The following SASH1 variants were observed in gnomAD, a reference collection of about 807,000 sequenced individuals.
SASH1 encodes the protein SAM and SH3 domain containing 1, also known as SAM and SH3 domain-containing protein 1.
In SASH1, 44 loss-of-function variants were observed where a neutral mutation model predicts 125.2. The ratio of observed to expected loss-of-function variants is 0.35; its 90% confidence interval spans 0.28 to 0.45. The LOEUF (loss-of-function observed/expected upper bound fraction) is 0.45. SASH1 is among the 20% of genes least tolerant of loss of function. The pLI is 1.00. For missense variants in SASH1, 1,426 were observed against 1,614.5 expected, an observed-to-expected ratio of 0.88 and a Z score of 2.00; for synonymous variants, 639 against 649.1, an observed-to-expected ratio of 0.98 and a Z score of 0.24.
rs113242665 is a variant in SASH1, at chr6:148,371,295, T to A, written c.157-18839T>A. ...CTAGTTGGCTATTCTTTTTTTTTTT[T>A]ATCCAGGCTGGAGTGCAGTGGCGCA... On this transcript the variant is annotated intron_variant, in intron 1 of 19. Coordinates refer to ENST00000367467, the MANE Select transcript of SASH1 (RefSeq NM_015278.5). Among the ~76,000 whole-genome samples the A allele has an allele frequency of 5.3e-5, 8 of 152,000 alleles. No homozygotes were observed. In the East Asian group the frequency reaches 9.6e-4, roughly 18 times the overall value.
At chr6:148,485,598 CAT>C (rs1258970271) in intron 7 of SASH1, among the ~76,000 whole-genome samples, 3 of 152,152 alleles carry the variant, frequency 2.0e-5, no homozygotes, top group Non-Finnish European at 2.9e-5. Context: ...GGAACCGAAA[CAT>C]AGAGGGGTTA....
chr6:148,304,857 G>A (rs180739995), intron 1 of SASH1, among the ~76,000 whole-genome samples: 7 of 152,070 alleles, frequency 4.6e-5, no homozygotes, highest in African/African-American at 1.4e-4. Flanking sequence ...GTAAAATCCC[G>A]TCTCTATTAA....
chr6:148,439,277 T>G (rs1776444416), intron 2 of SASH1, among the ~76,000 whole-genome samples: 1 of 152,222 alleles, frequency 6.6e-6, no homozygotes, highest in Admixed American at 6.5e-5. Context: ...CAGTGCATTC[T>G]TAATATCAAG....
chr6:148,469,792 C>T (rs1370506994), intron 5 of SASH1, among the ~76,000 whole-genome samples: 1 of 151,814 alleles, frequency 6.6e-6, no homozygotes, highest in Non-Finnish European at 1.5e-5. Context: ...CTTTGGGAGG[C>T]CGAGGAGGGT....
intron 2 of SASH1, among the ~76,000 whole-genome samples, chr6:148,427,170 TAGTG>T (rs1158107382): frequency 6.6e-6 from 1 of 151,424 alleles, no homozygotes; most frequent in Non-Finnish European, 1.5e-5. Context: ...GGAGATCACT[TAGTG>T]AGCATGGGAT....
intron 2 of SASH1, among the ~76,000 whole-genome samples, chr6:148,414,905 A>G (rs1583116205): frequency 6.6e-6 from 1 of 152,138 alleles, no homozygotes; most frequent in East Asian, 1.9e-4. Flanking sequence ...CGGCCTCCCA[A>G]AGTGCTGGGA....
chr6:148,438,002 T>C (rs536434047), intron 2 of SASH1, among the ~76,000 whole-genome samples: 128 of 152,304 alleles, frequency 8.4e-4, no homozygotes, highest in South Asian at 3.3e-3. Context: ...CTAGCATGAC[T>C]ATTATGATTA....
rs530230875 is a variant in SASH1 at position 148,550,723 on chromosome 6, G to C, written c.*2165G>C. 4 of 152,344 alleles carry C rather than the reference G, an allele frequency of 2.6e-5. No homozygotes were observed. The East Asian group carries it at 7.7e-4, about 29-fold the overall frequency. 9.4% of individuals were successfully genotyped at this position (152,344 alleles called of 1,614,324 possible). On this transcript the variant is annotated 3_prime_UTR_variant, in exon 20 of 20. Transcript: ENST00000367467. ...AGCTAAAGCGTTCAATGCATTTCAC[G>C]TGCTGTGGTGGATGTGGGTGCTGTA...
the SASH1 span, among the ~76,000 whole-genome samples, chr6:148,251,850 A>C: frequency 9.9e-6 from 1 of 101,390 alleles, no homozygotes; most frequent in Non-Finnish European, 1.8e-5. Flanking sequence ...ACCCCACAAC[A>C]GTCCCCAGAG....
chr6:148,378,500 G>A (rs1344237473), intron 1 of SASH1, among the ~76,000 whole-genome samples: 12 of 152,138 alleles, frequency 7.9e-5, no homozygotes, highest in African/African-American at 2.4e-4. Flanking sequence ...GGCCGCAGGC[G>A]TGTGCCATCA....
intron 4 of SASH1, among the ~76,000 whole-genome samples, chr6:148,455,940 C>T (rs1006684543): frequency 6.6e-6 from 1 of 152,102 alleles, no homozygotes; most frequent in Non-Finnish European, 1.5e-5. Flanking sequence ...TTCCCCTGGA[C>T]TCCCCTGCTG....
chr6:148,235,641 C>G, the SASH1 span, among the ~76,000 whole-genome samples: 1 of 152,164 alleles, frequency 6.6e-6, no homozygotes, highest in Non-Finnish European at 1.5e-5. Flanking sequence ...GTCAAACCTA[C>G]AGCTCCTTGT....
Position 148,487,124 on chromosome 6 carries a change from T to C in SASH1, c.628-490T>C, listed in dbSNP as rs1444706795. On this transcript the variant is annotated intron_variant, in intron 7 of 19. Coordinates refer to ENST00000367467, the MANE Select transcript of SASH1 (RefSeq NM_015278.5). ...ACACACACACACACATATATATATA[T>C]ATATATGTGTATGTTTCAGGGTTTG... 1.0e-3 allele frequency among the ~76,000 whole-genome samples: 132 copies of C among 125,724 alleles called. 2 individuals are homozygous for C. Among genetic ancestry groups the C allele is most frequent in the African/African-American group, 3.9e-3 (124 of 31,446 alleles). 82.5% of individuals were successfully genotyped at this position (125,724 alleles called of 152,430 possible).
intron 1 of SASH1, among the ~76,000 whole-genome samples, chr6:148,344,466 C>T (rs1439981991): frequency 6.6e-6 from 1 of 152,088 alleles, no homozygotes; most frequent in East Asian, 1.9e-4. Flanking sequence ...TTCAGGTGAC[C>T]ATTGGTATTT....
the SASH1 span, among the ~76,000 whole-genome samples, chr6:148,228,165 A>G: frequency 6.6e-6 from 1 of 152,172 alleles, no homozygotes; most frequent in African/African-American, 2.4e-5. Context: ...AGAGTTACCT[A>G]CTCCAGCAGG....
intron 1 of SASH1, among the ~76,000 whole-genome samples, chr6:148,274,519 G>A (rs1779137719): frequency 6.6e-6 from 1 of 152,156 alleles, no homozygotes; most frequent in Non-Finnish European, 1.5e-5. Context: ...TTTTAGAAAA[G>A]GAAGCAAGCA....
intron 1 of SASH1, among the ~76,000 whole-genome samples, chr6:148,287,420 C>T (rs1231911208): frequency 1.3e-5 from 2 of 152,094 alleles, no homozygotes; most frequent in Non-Finnish European, 2.9e-5. Context: ...AGGTGTGTGT[C>T]ACATCTTTTC....
At chr6:148,412,999 G>A (rs182592947) in intron 2 of SASH1, among the ~76,000 whole-genome samples, 15 of 152,296 alleles carry the variant, frequency 9.8e-5, no homozygotes, top group Admixed American at 4.6e-4. Context: ...TGTTGTTTGT[G>A]TTGATTTCTT....
chr6:148,336,680 T>G lies in SASH1; in HGVS notation n.75-53454T>G, dbSNP rs979151392. On this transcript the variant is annotated intron_variant and non_coding_transcript_variant, in intron 1 of 3. Coordinates refer to the SASH1 transcript ENST00000367469. The stretch of plus-strand genomic sequence containing the variant: ...AGCAAAGCAAACATTTGATTGGATA[T>G]AATTACACAATTGCCTTATTTGATT... Among the ~76,000 whole-genome samples, 7 of 152,344 alleles carry G rather than the reference T, an allele frequency of 4.6e-5. No individual in the cohort carries two copies. In the East Asian group the frequency reaches 1.3e-3, roughly 29 times the overall value.
Sources: allele counts gnomAD v4.1 joint callset (sites outside exome capture counted in the v4.1 genomes callset), GRCh38; gene constraint gnomAD v4.1.1; transcripts MANE v1.5; gene names NCBI Gene and HGNC (gene_info 2026-07-23, HGNC 2026-07-21).